The following CHST9 variants were observed in gnomAD, a reference collection of about 807,000 sequenced individuals.
The protein encoded by CHST9 is carbohydrate sulfotransferase 9.
CHST9 carries 41 observed loss-of-function variants against 44.4 expected under a neutral mutation model. That is an observed-to-expected ratio of 0.92 (90% confidence interval 0.72 to 1.20). The LOEUF is 1.20. Among genes scored for constraint, CHST9 ranks in the 50% most tolerant of loss-of-function variants. The probability of loss-of-function intolerance (pLI) is 0.00; values close to 1 mark genes in which losing one functional copy is unlikely to be tolerated. For missense variants in CHST9, 504 were observed against 516.5 expected, an observed-to-expected ratio of 0.98 and a Z score of 0.23; for synonymous variants, 171 against 178.4, an observed-to-expected ratio of 0.96 and a Z score of 0.33.
chr18:26,932,531 G>A (rs1030093764), intron 5 of CHST9, among the ~76,000 whole-genome samples: 7 of 151,484 alleles, frequency 4.6e-5, no homozygotes, highest in Non-Finnish European at 8.8e-5. Flanking sequence ...GGAGCTGTGT[G>A]TGTTAGCTGG....
At position 26,913,942 on chromosome 18, in the gene CHST9, T is replaced by G. The variant is rs1381804414; in HGVS notation, c.*2317A>C. ...GAGCAGGTACATAAAAAGTTTGTTC[T>G]TACTTGGCAAAGACATGCATGGCTT... is the stretch of plus-strand genomic sequence containing the variant. On this transcript the variant is annotated 3_prime_UTR_variant, in exon 6 of 6. Coordinates refer to ENST00000618847, the MANE Select transcript of CHST9 (RefSeq NM_031422.6). 1 of 152,196 alleles carries G rather than the reference T, an allele frequency of 6.6e-6. No homozygotes were observed. The highest frequency in any genetic ancestry group is 2.4e-5 in the African/African-American group (1 of 41,446). The allele number at this position is 152,196 out of a possible 1,614,324, so 9.4% of individuals were successfully genotyped here.
chr18:27,146,939 T>C (rs1342042864), intron 1 of CHST9, among the ~76,000 whole-genome samples: 2 of 152,330 alleles, frequency 1.3e-5, no homozygotes, highest in African/African-American at 2.4e-5. Context: ...TTAAAAATTA[T>C]TTTTTTAAAT....
At chr18:27,177,640 G>A (rs73406660) in intron 1 of CHST9, among the ~76,000 whole-genome samples, 1,925 of 152,000 alleles carry the variant, frequency 0.013, 45 homozygotes, top group African/African-American at 0.044. Flanking sequence ...CATTAGCTGG[G>A]TATATTTTTC....
intron 2 of CHST9, among the ~76,000 whole-genome samples, chr18:27,085,083 T>C (rs1044325335): frequency 6.6e-6 from 1 of 152,150 alleles, no homozygotes; most frequent in Admixed American, 6.6e-5. Flanking sequence ...TTTTAGAGTA[T>C]ATGCCATGTG....
chr18:26,969,374 C>CTG (rs752526316), intron 4 of CHST9, among the ~76,000 whole-genome samples: 32 of 149,356 alleles, frequency 2.1e-4, no homozygotes, highest in Admixed American at 6.0e-4. Context: ...CTCTCTCTCT[C>CTG]TCTGTGTGTG....
intron 1 of CHST9, among the ~76,000 whole-genome samples, chr18:27,157,845 G>A (rs1300526972): frequency 6.6e-6 from 1 of 151,814 alleles, no homozygotes; most frequent in Non-Finnish European, 1.5e-5. Flanking sequence ...AAATTTTAAG[G>A]ATACCATAAA....
At chr18:26,961,913 A>G (rs1265183446) in intron 4 of CHST9, among the ~76,000 whole-genome samples, 2 of 152,084 alleles carry the variant, frequency 1.3e-5, no homozygotes, top group Non-Finnish European at 1.5e-5. Flanking sequence ...TTGAAAGTCT[A>G]GTTTGTGTTG....
intron 2 of CHST9, among the ~76,000 whole-genome samples, chr18:27,132,315 A>G (rs1348300563): frequency 6.6e-6 from 1 of 152,252 alleles, no homozygotes; most frequent in East Asian, 1.9e-4. Context: ...TATTCAAACA[A>G]AATACTGTAT....
intron 2 of CHST9, among the ~76,000 whole-genome samples, chr18:27,124,554 A>G (rs1433940292): frequency 6.6e-6 from 1 of 152,230 alleles, no homozygotes; most frequent in East Asian, 1.9e-4. Context: ...CTAGTTTTCC[A>G]TTTAAGCACA....
intron 4 of CHST9, among the ~76,000 whole-genome samples, chr18:26,979,841 T>C (rs150596464): frequency 6.2e-4 from 95 of 152,314 alleles, no homozygotes; most frequent in African/African-American, 2.1e-3. Flanking sequence ...AACTATAATT[T>C]CCTTAAAAAT....
Position 27,034,137 on chromosome 18 carries a change from C to A in CHST9, c.161-9980G>T, listed in dbSNP as rs2057367960. 1.3e-5 allele frequency among the ~76,000 whole-genome samples: 2 copies of A among 152,164 alleles called. 1 individual carries two copies. Among genetic ancestry groups the A allele is most frequent in the South Asian group, 4.1e-4 (2 of 4,834 alleles). ...AATTTAAGATAAATAAAATAGAAAT[C>A]TCCTTTTATCCTCAGCCCCCCAAAT... On this transcript the variant is annotated intron_variant, in intron 3 of 5. Coordinates refer to ENST00000618847, the MANE Select transcript of CHST9 (RefSeq NM_031422.6).
chr18:27,096,377 A>G (rs368022087), intron 2 of CHST9, among the ~76,000 whole-genome samples: 1 of 152,068 alleles, frequency 6.6e-6, no homozygotes, highest in East Asian at 1.9e-4. Context: ...AGGAACTAGA[A>G]AACAACAGGA....
At chr18:27,059,730 C>T (rs535158843) in intron 2 of CHST9, among the ~76,000 whole-genome samples, 1 of 152,250 alleles carries the variant, frequency 6.6e-6, no homozygotes, top group South Asian at 2.1e-4. Context: ...CAGAGGTGAG[C>T]TTTATTTTCT....
Position 26,916,245 on chromosome 18 carries a change from A to G in CHST9, c.*14T>C. 1 of 1,501,024 alleles carries G rather than the reference A, an allele frequency of 6.7e-7. No homozygotes were observed. The highest frequency in any genetic ancestry group is 9.1e-7 in the Non-Finnish European group (1 of 1,093,440). 93.0% of individuals were successfully genotyped at this position (1,501,024 alleles called of 1,614,324 possible). On this transcript the variant is annotated 3_prime_UTR_variant, in exon 6 of 6. Coordinates refer to ENST00000618847, the MANE Select transcript of CHST9 (RefSeq NM_031422.6). ...TCATTAAGTATATACAGGGTTTTAG[A>G]AAATGAATGCAAACTACAAAAATGG... is the stretch of plus-strand genomic sequence containing the variant.
chr18:27,005,990 A>G (rs1358445574), intron 4 of CHST9, among the ~76,000 whole-genome samples: 1 of 152,188 alleles, frequency 6.6e-6, no homozygotes, highest in Non-Finnish European at 1.5e-5. Flanking sequence ...CTGCATAAGG[A>G]GACTCACTTC....
intron 4 of CHST9, among the ~76,000 whole-genome samples, chr18:26,979,937 CTT>C (rs1227504647): frequency 6.6e-6 from 1 of 152,084 alleles, no homozygotes. Flanking sequence ...TGTTTTTAAA[CTT>C]AAGATTCATA....
At chr18:27,023,995 A>T in intron 4 of CHST9, 121 bp downstream of exon 4, 1 of 927,796 alleles carries the variant, frequency 1.1e-6, no homozygotes, top group East Asian at 2.7e-5. Context: ...CTTCCTAGGG[A>T]TGGCTATCAT....
chr18:27,093,594 C>T (rs1269453233), intron 2 of CHST9, among the ~76,000 whole-genome samples: 2 of 152,362 alleles, frequency 1.3e-5, no homozygotes, highest in East Asian at 3.9e-4. Context: ...TTGCTAAGAC[C>T]TTGGGAAAAG....
At chr18:27,107,154 A>T (rs1417180077) in intron 2 of CHST9, among the ~76,000 whole-genome samples, 1 of 152,214 alleles carries the variant, frequency 6.6e-6, no homozygotes, top group African/African-American at 2.4e-5. Context: ...AGTGGTCTTG[A>T]AAGGTAAATA....
Sources: allele counts gnomAD v4.1 joint callset (sites outside exome capture counted in the v4.1 genomes callset), GRCh38; gene constraint gnomAD v4.1.1; transcripts MANE v1.5; gene names NCBI Gene and HGNC (gene_info 2026-07-23, HGNC 2026-07-21).